KLHL1: variants seen among roughly 807,000 people sequenced by gnomAD.
The protein encoded by KLHL1 is kelch like family member 1.
A neutral mutation model predicts 77.7 loss-of-function variants in KLHL1; 47 were observed. The observed-to-expected ratio is 0.60, with a 90% CI of 0.48 to 0.77. KLHL1 has a LOEUF of 0.77. Ranked by LOEUF, KLHL1 falls within the 30% of genes least tolerant of loss-of-function variation. The pLI, the probability that KLHL1 is intolerant of heterozygous loss-of-function variation, is 0.00. For synonymous variants in KLHL1, 360 were observed against 325.2 expected, an observed-to-expected ratio of 1.11 and a Z score of -1.15; for missense variants, 925 against 910.8, an observed-to-expected ratio of 1.02 and a Z score of -0.20.
At position 69,967,220 on chromosome 13, in the gene KLHL1, G is replaced by C. The variant is rs149680471; in HGVS notation, c.681-5776C>G. ...AAATAGTGATTCCTTTGAGGCATCT[G>C]GCAAAGTAAATTTAAAACTTTCTGG... On this transcript the variant is annotated intron_variant, in intron 2 of 10. Transcript: ENST00000377844. Among the ~76,000 whole-genome samples the C allele has an allele frequency of 5.6e-3, 852 of 152,144 alleles. 8 individuals are homozygous for C. The highest frequency in any genetic ancestry group is 0.019 in the South Asian group (90 of 4,814).
chr13:69,856,032 T>A (rs1879906629), intron 5 of KLHL1, among the ~76,000 whole-genome samples: 2 of 150,392 alleles, frequency 1.3e-5, no homozygotes, highest in Non-Finnish European at 3.0e-5. Flanking sequence ...GGCAGAGAGT[T>A]CTTCATGGGC....
intron 7 of KLHL1, among the ~76,000 whole-genome samples, chr13:69,774,054 T>C (rs996929051): frequency 3.3e-5 from 5 of 151,944 alleles, no homozygotes; most frequent in Non-Finnish European, 7.4e-5. Flanking sequence ...AATGTTGACC[T>C]TTCTTAAAAA....
intron 1 of KLHL1, among the ~76,000 whole-genome samples, chr13:70,058,030 A>G (rs1886792070): frequency 6.6e-6 from 1 of 152,166 alleles, no homozygotes; most frequent in Non-Finnish European, 1.5e-5. Flanking sequence ...GCATTTGATA[A>G]AATTCACATC....
At chr13:69,855,341 TA>T (rs1166286801) in intron 5 of KLHL1, among the ~76,000 whole-genome samples, 1 of 60,050 alleles carries the variant, frequency 1.7e-5, no homozygotes, top group African/African-American at 8.5e-5. Context: ...GATAGATAGA[TA>T]GATAGACAGA....
intron 6 of KLHL1, among the ~76,000 whole-genome samples, chr13:69,831,570 A>G (rs1170326383): frequency 2.0e-5 from 3 of 150,070 alleles, no homozygotes; most frequent in Non-Finnish European, 4.4e-5. Context: ...AAAGATAGAG[A>G]AGGAGAGAAT....
intron 4 of KLHL1, among the ~76,000 whole-genome samples, chr13:69,926,841 G>A (rs1251056371): frequency 1.3e-5 from 2 of 149,118 alleles, no homozygotes; most frequent in African/African-American, 4.9e-5. Context: ...CAGTTACTTG[G>A]GAGGCTGAGG....
chr13:70,019,559 T>G (rs1309764749), intron 1 of KLHL1, among the ~76,000 whole-genome samples: 1 of 152,174 alleles, frequency 6.6e-6, no homozygotes, highest in Non-Finnish European at 1.5e-5. Context: ...CCAGACGATC[T>G]GCTAAATTAT....
chr13:69,810,169 T>C (rs1877806869), intron 6 of KLHL1, among the ~76,000 whole-genome samples: 1 of 152,122 alleles, frequency 6.6e-6, no homozygotes, highest in Non-Finnish European at 1.5e-5. Context: ...TGGACTTAAA[T>C]TCAGCACTTG....
chr13:69,846,616 A>T (rs552925394), intron 5 of KLHL1, among the ~76,000 whole-genome samples: 66 of 151,578 alleles, frequency 4.4e-4, no homozygotes, highest in South Asian at 1.9e-3. Context: ...GTTAGAAAAA[A>T]ATATATATAT....
intron 1 of KLHL1, among the ~76,000 whole-genome samples, chr13:70,095,228 T>C (rs1041036492): frequency 1.4e-4 from 21 of 152,124 alleles, no homozygotes; most frequent in African/African-American, 4.8e-4. Context: ...TAAAAGAGGC[T>C]TTTGCACCAC....
intron 7 of KLHL1, among the ~76,000 whole-genome samples, chr13:69,773,318 A>C (rs1056477200): frequency 3.9e-5 from 6 of 152,050 alleles, no homozygotes; most frequent in African/African-American, 1.4e-4. Flanking sequence ...TTTGCATATG[A>C]AAATTGATGA....
At chr13:69,748,531 A>G (rs929633434) in intron 7 of KLHL1, among the ~76,000 whole-genome samples, 13 of 152,142 alleles carry the variant, frequency 8.5e-5, no homozygotes, top group Admixed American at 2.0e-4. Context: ...GGTCCCTCCC[A>G]TAACATGTGA....
At chr13:69,808,456 C>T (rs1478029008) in intron 6 of KLHL1, among the ~76,000 whole-genome samples, 3 of 152,104 alleles carry the variant, frequency 2.0e-5, no homozygotes, top group Non-Finnish European at 4.4e-5. Context: ...GGAACCCCTA[C>T]AGAGGCCTGG....
At chr13:69,857,876 T>G (rs990087847) in intron 5 of KLHL1, among the ~76,000 whole-genome samples, 2 of 151,766 alleles carry the variant, frequency 1.3e-5, no homozygotes, top group Non-Finnish European at 2.9e-5. Context: ...ATGAAATTCA[T>G]TTTAGCATGA....
At chr13:69,703,254 A>G (rs2137865761) in intron 10 of KLHL1, among the ~76,000 whole-genome samples, 1 of 151,736 alleles carries the variant, frequency 6.6e-6, no homozygotes, top group East Asian at 1.9e-4. Context: ...TGAAAGCACA[A>G]CGCATTACTC....
chr13:69,885,333 C>T (rs1026239336), intron 4 of KLHL1, among the ~76,000 whole-genome samples: 1 of 152,164 alleles, frequency 6.6e-6, no homozygotes, highest in African/African-American at 2.4e-5. Flanking sequence ...TAACCAGCGG[C>T]GTTGTTTGTA....
chr13:69,749,800 C>A (rs1388168163), intron 7 of KLHL1, among the ~76,000 whole-genome samples: 2 of 151,914 alleles, frequency 1.3e-5, no homozygotes, highest in Non-Finnish European at 2.9e-5. Context: ...TGTATCAATG[C>A]AACCAAATTA....
chr13:69,935,504 A>G (rs17085692), intron 4 of KLHL1, among the ~76,000 whole-genome samples: 7,561 of 152,212 alleles, frequency 0.05, 441 homozygotes, highest in African/African-American at 0.14. Context: ...GGAGTGTAAG[A>G]GAATAGAGAG....
In KLHL1 at chr13:69,750,378, TC is replaced by T. The variant is rs142651778; in HGVS notation, c.1640-9823del. Among the ~76,000 whole-genome samples the T allele has an allele frequency of 5.3e-4, 81 of 151,864 alleles. 1 individual carries two copies. Among genetic ancestry groups the T allele is most frequent in the African/African-American group, 1.9e-3 (77 of 41,504 alleles). On this transcript the variant is annotated intron_variant, in intron 7 of 10. Transcript: ENST00000377844. Reference sequence around the variant, plus strand: ...GTAATAGTTCATAGAATTGAACACTTCAGTGTTTTTCTGTGCAATGAATTAA... The same window carrying T: ...GTAATAGTTCATAGAATTGAACACTTAGTGTTTTTCTGTGCAATGAATTAA...
Sources: allele counts gnomAD v4.1 joint callset (sites outside exome capture counted in the v4.1 genomes callset), GRCh38; gene constraint gnomAD v4.1.1; transcripts MANE v1.5; gene names NCBI Gene and HGNC (gene_info 2026-07-23, HGNC 2026-07-21).